The following IMMP2L variants were observed in gnomAD, a reference collection of about 807,000 sequenced individuals.
IMMP2L encodes the protein inner mitochondrial membrane peptidase subunit 2.
Under a neutral mutation model 19.3 loss-of-function variants are expected in IMMP2L, and 18 were observed. The observed-to-expected ratio is 0.93, with a 90% confidence interval of 0.64 to 1.38. The LOEUF (loss-of-function observed/expected upper bound fraction) is 1.38. IMMP2L is among the 40% of genes most tolerant of loss of function. The probability of loss-of-function intolerance (pLI) is 0.00; values close to 1 mark genes in which losing one functional copy is unlikely to be tolerated. For synonymous variants in IMMP2L, 76 were observed against 73.0 expected, an observed-to-expected ratio of 1.04 and a Z score of -0.21; for missense variants, 233 against 218.2, an observed-to-expected ratio of 1.07 and a Z score of -0.43.
chr7:111,028,031 T>G (rs1827035306), intron 3 of IMMP2L, among the ~76,000 whole-genome samples: 1 of 152,134 alleles, frequency 6.6e-6, no homozygotes, highest in South Asian at 2.1e-4. Context: ...ACCTTAAAAC[T>G]CATTTTAAGA....
chr7:111,502,964 T>C (rs1422909310), intron 2 of IMMP2L, among the ~76,000 whole-genome samples: 1 of 149,134 alleles, frequency 6.7e-6, no homozygotes, highest in Non-Finnish European at 1.5e-5. Context: ...AAGAAATAAC[T>C]AAAATCAGAG....
chr7:111,348,537 G>T (rs35426637), intron 3 of IMMP2L, among the ~76,000 whole-genome samples: 46,647 of 151,880 alleles, frequency 0.31, 8,143 homozygotes, highest in South Asian at 0.59. Flanking sequence ...CAGTATGTTA[G>T]AAACCAAATG....
chr7:111,274,953 C>T (rs1402082200), intron 3 of IMMP2L, among the ~76,000 whole-genome samples: 1 of 152,174 alleles, frequency 6.6e-6, no homozygotes, highest in Non-Finnish European at 1.5e-5. Context: ...GCTCTGTCTG[C>T]TTGACATCTT....
chr7:110,953,648 C>G (rs546137457), intron 4 of IMMP2L, among the ~76,000 whole-genome samples: 3 of 152,138 alleles, frequency 2.0e-5, no homozygotes, highest in Admixed American at 1.3e-4. Context: ...TGTGTCTTTA[C>G]AGTAGAATGA....
At chr7:110,700,973 A>G (rs1794245368) in intron 5 of IMMP2L, among the ~76,000 whole-genome samples, 1 of 152,214 alleles carries the variant, frequency 6.6e-6, no homozygotes, top group Admixed American at 6.5e-5. Flanking sequence ...AGATTTTGCA[A>G]CAGCTTTTTC....
At position 110,764,695 on chromosome 7, in the gene IMMP2L, A is replaced by G. The variant is rs190558835; in HGVS notation, c.409-100974T>C. 6.6e-5 allele frequency among the ~76,000 whole-genome samples: 10 copies of G among 152,238 alleles called. 1 individual carries two copies. The stretch of plus-strand genomic sequence containing the variant: ...TGTAGGATAATGAATATGTCAATGA[A>G]AGAGAATTATGACTTCAAAGTGGGA... On this transcript the variant is annotated intron_variant, in intron 5 of 5. Coordinates refer to ENST00000405709, the MANE Select transcript of IMMP2L (RefSeq NM_032549.4).
chr7:110,967,831 A>G (rs1819711881), intron 3 of IMMP2L, among the ~76,000 whole-genome samples: 1 of 149,166 alleles, frequency 6.7e-6, no homozygotes, highest in Non-Finnish European at 1.5e-5. Flanking sequence ...AAGTAGAACG[A>G]AAAGTCCACT....
intron 5 of IMMP2L, chr7:110,665,066 A>G (rs1311493450): frequency 6.6e-6 from 1 of 152,204 alleles, no homozygotes; most frequent in African/African-American, 2.4e-5. Context: ...GAAGAAGAAA[A>G]ATCTTTTAAC....
chr7:111,521,972 C>T (rs948109431), intron 1 of IMMP2L, among the ~76,000 whole-genome samples: 1 of 151,966 alleles, frequency 6.6e-6, no homozygotes, highest in African/African-American at 2.4e-5. Context: ...CCTTTTCTTC[C>T]CCATTTTATA....
chr7:111,405,484 A>G (rs1240605501), intron 3 of IMMP2L, among the ~76,000 whole-genome samples: 1 of 152,198 alleles, frequency 6.6e-6, no homozygotes, highest in East Asian at 1.9e-4. Context: ...ATTGTAATAC[A>G]CATAAATTCT....
chr7:110,830,104 T>G, intron 5 of IMMP2L, among the ~76,000 whole-genome samples: 1 of 152,230 alleles, frequency 6.6e-6, no homozygotes, highest in East Asian at 1.9e-4. Context: ...AATCAGATTA[T>G]TTATCACTAA....
chr7:111,189,032 T>C (rs908948970), intron 3 of IMMP2L, among the ~76,000 whole-genome samples: 2 of 152,080 alleles, frequency 1.3e-5, no homozygotes, highest in Non-Finnish European at 2.9e-5. Context: ...CACCTACTAG[T>C]ACCGTTGAGA....
At chr7:110,670,612 C>T (rs1481549245) in intron 5 of IMMP2L, among the ~76,000 whole-genome samples, 3 of 151,646 alleles carry the variant, frequency 2.0e-5, no homozygotes, top group African/African-American at 7.3e-5. Context: ...ATTGCTTGAA[C>T]CCAGGAGTCA....
chr7:111,174,028 T>C (rs774906153), intron 3 of IMMP2L, among the ~76,000 whole-genome samples: 10 of 151,752 alleles, frequency 6.6e-5, no homozygotes, highest in Non-Finnish European at 1.5e-4. Context: ...GGCATCTATT[T>C]GTATGGAATA....
At chr7:111,413,103 G>A in intron 3 of IMMP2L, among the ~76,000 whole-genome samples, 1 of 151,948 alleles carries the variant, frequency 6.6e-6, no homozygotes, top group Non-Finnish European at 1.5e-5. Flanking sequence ...GGACTATTGT[G>A]AACAATTTTA....
At chr7:110,733,400 T>A (rs1796402238) in intron 5 of IMMP2L, among the ~76,000 whole-genome samples, 1 of 151,794 alleles carries the variant, frequency 6.6e-6, no homozygotes, top group South Asian at 2.1e-4. Context: ...GCTTACATTT[T>A]ATTAGCCAAA....
chr7:111,532,313 C>G (rs1285121557), intron 1 of IMMP2L, among the ~76,000 whole-genome samples: 1 of 152,120 alleles, frequency 6.6e-6, no homozygotes, highest in Non-Finnish European at 1.5e-5. Flanking sequence ...TGCAGCCCTA[C>G]TTCGGTCTTA....
In IMMP2L at chr7:111,209,822, AC is replaced by A. The variant is rs146235662; in HGVS notation, c.240-246258del. Among the ~76,000 whole-genome samples, 1,372 of 152,312 alleles carry A rather than the reference AC, an allele frequency of 9.0e-3. 28 individuals carry two copies. Among genetic ancestry groups the A allele is most frequent in the African/African-American group, 0.032 (1,314 of 41,546 alleles). ...CCAGAAAGAGGTGGGCAGGACACTT[AC>A]AGGTGGGCCTGAAGGTTCGGGTCAG... On this transcript the variant is annotated intron_variant, in intron 3 of 5. Coordinates refer to ENST00000405709, the MANE Select transcript of IMMP2L (RefSeq NM_032549.4).
intron 3 of IMMP2L, among the ~76,000 whole-genome samples, chr7:111,268,876 G>C (rs1226776228): frequency 1.3e-5 from 2 of 151,908 alleles, no homozygotes; most frequent in Non-Finnish European, 2.9e-5. Flanking sequence ...TGGGATTACA[G>C]GTATGAGCCA....
Sources: gnomAD v4.1 joint callset for allele counts (sites outside exome capture counted in the v4.1 genomes callset) on GRCh38, gnomAD v4.1.1 for gene constraint, MANE v1.5 for transcripts, NCBI Gene and HGNC (gene_info 2026-07-23, HGNC 2026-07-21) for gene names.